The following MTMR3 variants were observed in gnomAD, a reference collection of about 807,000 sequenced individuals.
MTMR3 encodes phosphatidylinositol-3,5-bisphosphate 3-phosphatase MTMR3.
A neutral mutation model predicts 132.4 loss-of-function variants in MTMR3; 32 were observed. The ratio of observed to expected loss-of-function variants is 0.24; its 90% CI spans 0.18 to 0.32. The LOEUF is 0.32. Among genes scored for constraint, MTMR3 ranks in the 10% least tolerant of loss-of-function variants. The pLI is 1.00. For missense variants in MTMR3, 1,216 were observed against 1,489.6 expected, an observed-to-expected ratio of 0.82 and a Z score of 3.02; for synonymous variants, 556 against 550.3, an observed-to-expected ratio of 1.01 and a Z score of -0.14.
At chr22:29,886,520 C>T (rs963297475) in intron 1 of MTMR3, among the ~76,000 whole-genome samples, 4 of 151,986 alleles carry the variant, frequency 2.6e-5, no homozygotes, top group Non-Finnish European at 4.4e-5. Flanking sequence ...CTTCTCTGGG[C>T]GTCAGTTTTC....
intron 1 of MTMR3, among the ~76,000 whole-genome samples, chr22:29,933,222 C>T (rs868692837): frequency 2.0e-5 from 3 of 151,986 alleles, no homozygotes; most frequent in Middle Eastern, 3.2e-3. Flanking sequence ...CCTGCCTCGG[C>T]CTCCCAAAGT....
chr22:29,931,504 T>C (rs573628653), intron 1 of MTMR3, among the ~76,000 whole-genome samples: 1 of 152,326 alleles, frequency 6.6e-6, no homozygotes, highest in Non-Finnish European at 1.5e-5. Context: ...AACTTCCGCC[T>C]CCTGGGTTCA....
At chr22:29,967,193 T>TTTGTG (rs1491151076) in intron 2 of MTMR3, among the ~76,000 whole-genome samples, 2 of 141,958 alleles carry the variant, frequency 1.4e-5, no homozygotes, top group East Asian at 2.1e-4. Flanking sequence ...TTCACCTCTG[T>TTTGTG]TGTGTGTGTG....
At chr22:29,894,503 C>CGTGTGTGTGTGT (rs144670905) in intron 1 of MTMR3, among the ~76,000 whole-genome samples, 98 of 147,282 alleles carry the variant, frequency 6.7e-4, no homozygotes, top group South Asian at 2.6e-3. Flanking sequence ...GTTCTGTATC[C>CGTGTGTGTGTGT]GTGTGTGTGT....
chr22:29,990,496 C>T (rs2066940792), intron 6 of MTMR3: 1 of 152,176 alleles, frequency 6.6e-6, no homozygotes, highest in South Asian at 2.1e-4. Context: ...CTACAACTCA[C>T]AGTTTAAGAA....
Position 29,886,447 on chromosome 22 carries a change from G to A in MTMR3, c.-138+3088G>A, listed in dbSNP as rs562266145. ...TAGTATAGAATAGTGGGAAGTTCTG[G>A]ATTGACAGACATATATTCTGATTCC... On this transcript the variant is annotated intron_variant, in intron 1 of 19. Coordinates refer to ENST00000401950, the MANE Select transcript of MTMR3 (RefSeq NM_021090.4). Among the ~76,000 whole-genome samples, 20 of 152,262 alleles carry A rather than the reference G, an allele frequency of 1.3e-4. No homozygotes were observed. In the South Asian group the frequency reaches 3.9e-3, roughly 30 times the overall value.
intron 1 of MTMR3, among the ~76,000 whole-genome samples, chr22:29,951,281 G>A (rs998298876): frequency 2.0e-5 from 3 of 152,060 alleles, no homozygotes; most frequent in Non-Finnish European, 2.9e-5. Flanking sequence ...TGTGATCTTT[G>A]GTTTTAATCT....
At chr22:29,903,861 G>A (rs1468112172) in intron 1 of MTMR3, among the ~76,000 whole-genome samples, 3 of 152,140 alleles carry the variant, frequency 2.0e-5, no homozygotes, top group Admixed American at 1.3e-4. Context: ...TTGGAGCCAA[G>A]GGATATTACA....
intron 2 of MTMR3, among the ~76,000 whole-genome samples, chr22:29,958,788 T>C (rs2066250659): frequency 6.6e-6 from 1 of 152,228 alleles, no homozygotes; most frequent in Non-Finnish European, 1.5e-5. Flanking sequence ...TATATTGATA[T>C]TTGAATTGTC....
intron 9 of MTMR3, chr22:30,005,138 A>G (rs1057478150): frequency 8.5e-5 from 13 of 152,184 alleles, no homozygotes; most frequent in African/African-American, 2.7e-4. Context: ...ACTTAAGACA[A>G]TTCTGTTCCT....
intron 1 of MTMR3, among the ~76,000 whole-genome samples, chr22:29,952,377 A>G (rs1165514012): frequency 1.3e-5 from 2 of 151,610 alleles, no homozygotes; most frequent in East Asian, 1.9e-4. Context: ...CCAAAGAGAT[A>G]GAAAAGACAC....
chr22:29,888,463 T>C (rs1161809739), intron 1 of MTMR3, among the ~76,000 whole-genome samples: 2 of 152,162 alleles, frequency 1.3e-5, no homozygotes, highest in Non-Finnish European at 2.9e-5. Flanking sequence ...GGCATGAAAC[T>C]AACGAAAACA....
chr22:29,938,671 T>C (rs890668320), intron 1 of MTMR3, among the ~76,000 whole-genome samples: 3 of 152,194 alleles, frequency 2.0e-5, no homozygotes, highest in African/African-American at 7.2e-5. Flanking sequence ...TGTGGAACCA[T>C]ATAGAGATAA....
At chr22:29,941,074 C>T (rs904300299) in intron 1 of MTMR3, among the ~76,000 whole-genome samples, 1 of 149,962 alleles carries the variant, frequency 6.7e-6, no homozygotes. Flanking sequence ...TCTAGTTAGT[C>T]TTTCTCTGCC....
At chr22:29,925,010 A>AT (rs1415837901) in intron 1 of MTMR3, among the ~76,000 whole-genome samples, 1 of 152,192 alleles carries the variant, frequency 6.6e-6, no homozygotes, top group Non-Finnish European at 1.5e-5. Context: ...GCATGAAATA[A>AT]TTTGAGAAGC....
intron 2 of MTMR3, among the ~76,000 whole-genome samples, chr22:29,965,864 A>G (rs1022485467): frequency 7.3e-5 from 11 of 150,906 alleles, no homozygotes; most frequent in Admixed American, 4.6e-4. Context: ...GAGTTTTTTC[A>G]GATTTCTCTG....
chr22:29,968,837 A>G (rs1427381575), intron 2 of MTMR3, among the ~76,000 whole-genome samples: 1 of 152,264 alleles, frequency 6.6e-6, no homozygotes, highest in Non-Finnish European at 1.5e-5. Flanking sequence ...TTCTTGAGCT[A>G]GGCCAAATCA....
rs1352838502 is a variant in MTMR3 at position 29,885,976 on chromosome 22, A to G, written c.-138+2617A>G. ...TTTGGTAAATATCCTGTCAAATCAT[A>G]GAGTAGTATTTTTAGAGTTGCACCC... On this transcript the variant is annotated intron_variant, in intron 1 of 19. Transcript: ENST00000401950. Among the ~76,000 whole-genome samples, 6 of 152,218 alleles carry G rather than the reference A, an allele frequency of 3.9e-5. No individual in the cohort carries two copies. In the East Asian group the frequency reaches 1.2e-3, roughly 29 times the overall value.
intron 1 of MTMR3, among the ~76,000 whole-genome samples, chr22:29,956,490 G>T (rs147908148): frequency 2.0e-5 from 3 of 151,430 alleles, no homozygotes; most frequent in African/African-American, 7.3e-5. Context: ...CAAGTGATCC[G>T]CCTGCCTTGG....
Sources: gnomAD v4.1 joint callset for allele counts (sites outside exome capture counted in the v4.1 genomes callset) on GRCh38, gnomAD v4.1.1 for gene constraint, MANE v1.5 for transcripts, NCBI Gene and HGNC (gene_info 2026-07-23, HGNC 2026-07-21) for gene names.